Variants in EML1 observed in about 807,000 individuals in gnomAD.
EML1 encodes echinoderm microtubule-associated protein-like 1.
EML1 carries 27 observed loss-of-function variants against 110.4 expected under a neutral mutation model. The ratio of observed to expected loss-of-function variants is 0.24; its 90% CI spans 0.18 to 0.34. EML1 has a LOEUF of 0.34. Ranked by LOEUF, EML1 falls within the 10% of genes least tolerant of loss-of-function variation. EML1 has a pLI of 1.00. For synonymous variants in EML1, 344 were observed against 385.8 expected (o/e 0.89, Z 1.27); for missense variants, 741 against 1,030.9 (o/e 0.72, Z 3.85).
At chr14:99,739,117 A>T (rs867077670) in intron 1 of EML1, among the ~76,000 whole-genome samples, 127 of 64,176 alleles carry the variant, frequency 2.0e-3, no homozygotes, top group African/African-American at 5.8e-3. Flanking sequence ...AGAGAGAGAG[A>T]GAGTGTGTGT....
intron 1 of EML1, among the ~76,000 whole-genome samples, chr14:99,739,645 G>A (rs1376634732): frequency 3.3e-5 from 5 of 152,202 alleles, no homozygotes; most frequent in Non-Finnish European, 2.9e-5. Flanking sequence ...CCACGTGACG[G>A]TCTTTTGTCT....
intron 1 of EML1, among the ~76,000 whole-genome samples, chr14:99,745,551 G>A (rs1369442863): frequency 2.0e-5 from 3 of 152,176 alleles, no homozygotes; most frequent in Middle Eastern, 3.2e-3. Context: ...GGTTGCCTAC[G>A]AACCCTGTCA....
intron 1 of EML1, among the ~76,000 whole-genome samples, chr14:99,820,760 GTC>G (rs1566881953): frequency 6.6e-6 from 1 of 151,982 alleles, no homozygotes; most frequent in Non-Finnish European, 1.5e-5. Context: ...TCCAAGTGTC[GTC>G]TCTAGTCGGT....
chr14:99,900,631 C>T (rs2059747991), intron 8 of EML1, among the ~76,000 whole-genome samples: 1 of 152,186 alleles, frequency 6.6e-6, no homozygotes, highest in Admixed American at 6.5e-5. Context: ...AATTCAGACA[C>T]ATTTAGATGC....
chr14:99,832,926 G>A (rs550349454), intron 1 of EML1, among the ~76,000 whole-genome samples: 1 of 152,042 alleles, frequency 6.6e-6, no homozygotes, highest in African/African-American at 2.4e-5. Context: ...GATTCAAGGG[G>A]TACATGTGTC....
At chr14:99,816,373 G>T (rs563251709) in intron 1 of EML1, among the ~76,000 whole-genome samples, 1 of 152,342 alleles carries the variant, frequency 6.6e-6, no homozygotes, top group East Asian at 1.9e-4. Context: ...ATGTTGGTAA[G>T]GCTGGTCTTG....
chr14:99,829,365 T>C (rs1336954900), intron 1 of EML1, among the ~76,000 whole-genome samples: 1 of 152,222 alleles, frequency 6.6e-6, no homozygotes, highest in Non-Finnish European at 1.5e-5. Context: ...GAAGGTTCTC[T>C]TCATTATTGC....
At chr14:99,823,477 A>C (rs1446664698) in intron 1 of EML1, among the ~76,000 whole-genome samples, 2 of 152,104 alleles carry the variant, frequency 1.3e-5, no homozygotes, top group Non-Finnish European at 2.9e-5. Flanking sequence ...TCTGTGATCT[A>C]TAAAATTGGA....
chr14:99,749,393 T>C (rs1476901209), intron 1 of EML1, among the ~76,000 whole-genome samples: 1 of 152,200 alleles, frequency 6.6e-6, no homozygotes, highest in African/African-American at 2.4e-5. Context: ...TTCATTTGCA[T>C]TTCCCTAGTG....
intron 2 of EML1, among the ~76,000 whole-genome samples, chr14:99,853,608 T>C (rs1414026448): frequency 6.6e-6 from 1 of 152,224 alleles, no homozygotes; most frequent in African/African-American, 2.4e-5. Context: ...CACACAATTA[T>C]CACTTCATAA....
intron 3 of EML1, among the ~76,000 whole-genome samples, chr14:99,866,095 G>C (rs1207520503): frequency 6.6e-6 from 1 of 152,208 alleles, no homozygotes; most frequent in Non-Finnish European, 1.5e-5. Flanking sequence ...CTGTCACAAA[G>C]AGCACAGTTT....
At chr14:99,803,483 G>A (rs1345273129) in intron 1 of EML1, among the ~76,000 whole-genome samples, 1 of 152,206 alleles carries the variant, frequency 6.6e-6, no homozygotes, top group African/African-American at 2.4e-5. Context: ...CTTTCCAGAC[G>A]AGGGACCTTA....
At chr14:99,754,310 G>T (rs1214404392) in intron 1 of EML1, among the ~76,000 whole-genome samples, 2 of 152,210 alleles carry the variant, frequency 1.3e-5, no homozygotes, top group Non-Finnish European at 2.9e-5. Flanking sequence ...GTCGGCCAGG[G>T]CAAGGAGGGG....
intron 1 of EML1, among the ~76,000 whole-genome samples, chr14:99,811,418 T>C (rs114780486): frequency 0.015 from 2,227 of 148,368 alleles, 54 homozygotes; most frequent in African/African-American, 0.05. Context: ...TTACCAATAA[T>C]ACAAGCAGTC....
chr14:99,824,854 T>C (rs78660946), intron 1 of EML1, among the ~76,000 whole-genome samples: 3,406 of 152,260 alleles, frequency 0.022, 108 homozygotes, highest in African/African-American at 0.077. Context: ...CTCCCACTTA[T>C]GAGTAAGGAC....
intron 17 of EML1, among the ~76,000 whole-genome samples, chr14:99,933,477 G>T (rs1271448219): frequency 1.3e-5 from 2 of 152,192 alleles, no homozygotes; most frequent in Non-Finnish European, 2.9e-5. Flanking sequence ...CACCTGGCCT[G>T]ATGGGGTAGT....
intron 1 of EML1, among the ~76,000 whole-genome samples, chr14:99,805,202 C>T (rs1420940333): frequency 1.3e-5 from 2 of 152,212 alleles, no homozygotes; most frequent in Non-Finnish European, 2.9e-5. Context: ...CCGACCAGAC[C>T]AGGAGGACCT....
intron 4 of EML1, among the ~76,000 whole-genome samples, chr14:99,887,911 G>T (rs1454640331): frequency 6.6e-6 from 1 of 152,174 alleles, no homozygotes; most frequent in Non-Finnish European, 1.5e-5. Context: ...TCATCATTTT[G>T]TGGGCTTATA....
intron 1 of EML1, among the ~76,000 whole-genome samples, chr14:99,808,237 C>T (rs576364389): frequency 3.9e-4 from 60 of 152,206 alleles, no homozygotes; most frequent in Non-Finnish European, 6.6e-4. Flanking sequence ...CTTTTTCTTT[C>T]GTTTGCTTCT....
Sources: allele counts gnomAD v4.1 joint callset (sites outside exome capture counted in the v4.1 genomes callset), GRCh38; gene constraint gnomAD v4.1.1; transcripts MANE v1.5; gene names NCBI Gene and HGNC (gene_info 2026-07-23, HGNC 2026-07-21).